SLC8A3: variants seen among roughly 807,000 people sequenced by gnomAD.
The protein encoded by SLC8A3 is sodium/calcium exchanger 3.
A neutral mutation model predicts 65.4 loss-of-function variants in SLC8A3; 37 were observed. The ratio of observed to expected loss-of-function variants is 0.57; its 90% confidence interval spans 0.44 to 0.74. SLC8A3 has a LOEUF of 0.74. Ranked by LOEUF, SLC8A3 falls within the 30% of genes least tolerant of loss-of-function variation. SLC8A3 has a pLI of 0.00. For missense variants in SLC8A3, 1,112 were observed against 1,172.1 expected (o/e 0.95, Z 0.75); for synonymous variants, 461 against 444.5 (o/e 1.04, Z -0.47).
intron 2 of SLC8A3, among the ~76,000 whole-genome samples, chr14:70,098,960 C>A (rs914818977): frequency 1.3e-5 from 2 of 152,110 alleles, no homozygotes; most frequent in Admixed American, 6.5e-5. Flanking sequence ...CACGGTTCTC[C>A]GGGCTGCTAG....
chr14:70,140,352 A>G (rs866961819), intron 2 of SLC8A3, among the ~76,000 whole-genome samples: 2 of 152,316 alleles, frequency 1.3e-5, no homozygotes, highest in Middle Eastern at 3.4e-3. Flanking sequence ...ATGTGTGTAT[A>G]TACAACCTTC....
chr14:70,122,909 T>TA (rs1167633753), intron 2 of SLC8A3, among the ~76,000 whole-genome samples: 2 of 151,296 alleles, frequency 1.3e-5, no homozygotes, highest in Non-Finnish European at 2.9e-5. Flanking sequence ...CTGTCTCTAC[T>TA]AAAAATACAA....
chr14:70,060,792 T>G, intron 3 of SLC8A3, 44 bp downstream of exon 3: 1 of 1,053,324 alleles, frequency 9.5e-7, no homozygotes, highest in Non-Finnish European at 1.5e-6. Context: ...GTTTTAATTT[T>G]TCTTTCTTTT....
chr14:70,079,638 AC>A (rs1566763876), intron 2 of SLC8A3, among the ~76,000 whole-genome samples: 1 of 151,398 alleles, frequency 6.6e-6, no homozygotes, highest in Non-Finnish European at 1.5e-5. Flanking sequence ...AATGGCCCCC[AC>A]CCCCATGCCA....
intron 2 of SLC8A3, among the ~76,000 whole-genome samples, chr14:70,141,954 G>T (rs1398333849): frequency 6.6e-6 from 1 of 152,088 alleles, no homozygotes; most frequent in Non-Finnish European, 1.5e-5. Flanking sequence ...GGGTCTGTAG[G>T]TCCACCCCAG....
intron 2 of SLC8A3, among the ~76,000 whole-genome samples, chr14:70,137,381 A>T (rs188265560): frequency 5.9e-4 from 90 of 152,140 alleles, no homozygotes; most frequent in African/African-American, 2.0e-3. Flanking sequence ...TGACCTCGTG[A>T]TCCACCCCAC....
chr14:70,114,615 C>A (rs960700635), intron 2 of SLC8A3, among the ~76,000 whole-genome samples: 1 of 152,196 alleles, frequency 6.6e-6, no homozygotes, highest in Admixed American at 6.5e-5. Flanking sequence ...CCCATCCCTG[C>A]CCTCCTCTGG....
chr14:70,178,735 C>G (rs932445908), intron 1 of SLC8A3, among the ~76,000 whole-genome samples: 1 of 152,184 alleles, frequency 6.6e-6, no homozygotes, highest in Non-Finnish European at 1.5e-5. Flanking sequence ...TGGATGCATT[C>G]TCAAATTTAT....
chr14:70,102,926 A>G (rs1177419597), intron 2 of SLC8A3, among the ~76,000 whole-genome samples: 1 of 152,050 alleles, frequency 6.6e-6, no homozygotes, highest in African/African-American at 2.4e-5. Flanking sequence ...TTCGCTGAGA[A>G]ATAAAAAGCT....
At chr14:70,102,318 G>T (rs1218765271) in intron 2 of SLC8A3, among the ~76,000 whole-genome samples, 1 of 152,154 alleles carries the variant, frequency 6.6e-6, no homozygotes, top group African/African-American at 2.4e-5. Context: ...GATCAAGTTT[G>T]ACAGGAACAA....
chr14:70,077,534 T>G (rs1263829296), intron 2 of SLC8A3, among the ~76,000 whole-genome samples: 1 of 152,172 alleles, frequency 6.6e-6, no homozygotes, highest in Non-Finnish European at 1.5e-5. Flanking sequence ...GGGGTATGTG[T>G]GGGAGAACCA....
chr14:70,068,154 A>C (rs1889650454), intron 2 of SLC8A3, among the ~76,000 whole-genome samples: 3 of 152,206 alleles, frequency 2.0e-5, no homozygotes, highest in Non-Finnish European at 4.4e-5. Flanking sequence ...AGGACATTCA[A>C]ATCAGGCCTC....
intron 2 of SLC8A3, among the ~76,000 whole-genome samples, chr14:70,093,454 G>A (rs570655449): frequency 3.2e-4 from 48 of 152,282 alleles, no homozygotes; most frequent in African/African-American, 1.1e-3. Flanking sequence ...TTTGCCAAGT[G>A]GAGAGAGTAA....
chr14:70,177,560 T>C (rs1897983436), intron 1 of SLC8A3, among the ~76,000 whole-genome samples: 2 of 151,168 alleles, frequency 1.3e-5, no homozygotes, highest in South Asian at 4.2e-4. Context: ...TGAACAGGAG[T>C]TAATTGGGTG....
intron 2 of SLC8A3, among the ~76,000 whole-genome samples, chr14:70,147,688 A>G (rs1896019151): frequency 6.6e-6 from 1 of 152,188 alleles, no homozygotes; most frequent in South Asian, 2.1e-4. Flanking sequence ...TGAGTTCTAT[A>G]GCTGCAAGAA....
At chr14:70,178,368 G>A (rs908096440) in intron 1 of SLC8A3, among the ~76,000 whole-genome samples, 6 of 152,120 alleles carry the variant, frequency 3.9e-5, no homozygotes, top group African/African-American at 9.7e-5. Flanking sequence ...GTTCCCCCTC[G>A]GGAGTGACAC....
chr14:70,163,713 G>T (rs956823960), intron 2 of SLC8A3, among the ~76,000 whole-genome samples: 6 of 152,064 alleles, frequency 3.9e-5, no homozygotes, highest in African/African-American at 1.4e-4. Flanking sequence ...TTCTTTGCTG[G>T]GTCTCCTGGT....
chr14:70,130,022 C>T (rs1594724856), intron 2 of SLC8A3, among the ~76,000 whole-genome samples: 3 of 152,220 alleles, frequency 2.0e-5, no homozygotes, highest in Admixed American at 2.0e-4. Context: ...AGTATTTCCT[C>T]CTCTAGCTGT....
intron 3 of SLC8A3, among the ~76,000 whole-genome samples, chr14:70,058,464 C>T (rs1363731449): frequency 1.3e-5 from 2 of 152,164 alleles, no homozygotes; most frequent in African/African-American, 2.4e-5. Flanking sequence ...TTCTTCTTGG[C>T]ACTCTTCATC....
Sources: gnomAD v4.1 joint callset for allele counts (sites outside exome capture counted in the v4.1 genomes callset) on GRCh38, gnomAD v4.1.1 for gene constraint, MANE v1.5 for transcripts, NCBI Gene and HGNC (gene_info 2026-07-23, HGNC 2026-07-21) for gene names.